The following DLG2 variants were observed in gnomAD, a reference collection of about 807,000 sequenced individuals.
DLG2 encodes discs large MAGUK scaffold protein 2.
Under a neutral mutation model 132.5 loss-of-function variants are expected in DLG2, and 45 were observed. The observed-to-expected ratio is 0.34, with a 90% CI of 0.27 to 0.44. The LOEUF is 0.44. DLG2 is among the 20% of genes least tolerant of loss of function. DLG2 has a pLI of 1.00. For missense variants in DLG2, 1,045 were observed against 1,196.9 expected (o/e 0.87, Z 1.87); for synonymous variants, 424 against 419.6 (o/e 1.01, Z -0.13).
intron 4 of DLG2, among the ~76,000 whole-genome samples, chr11:85,282,033 A>G (rs573401467): frequency 6.6e-6 from 1 of 151,986 alleles, no homozygotes; most frequent in Non-Finnish European, 1.5e-5. Flanking sequence ...GACTAAAAAA[A>G]AAATAAATAA....
At chr11:84,262,135 G>C (rs996745931) in intron 7 of DLG2, among the ~76,000 whole-genome samples, 1 of 152,144 alleles carries the variant, frequency 6.6e-6, no homozygotes, top group East Asian at 1.9e-4. Context: ...GATAAGGAAA[G>C]TGAGGCATGG....
chr11:85,177,275 A>ATATATATAATATATATAT (rs2079341788), intron 4 of DLG2, among the ~76,000 whole-genome samples: 1 of 138,376 alleles, frequency 7.2e-6, no homozygotes, highest in African/African-American at 2.9e-5. Flanking sequence ...ATATATATAT[A>ATATATATAATATATATAT]TATATACATA....
chr11:84,721,295 T>C (rs2061810471), intron 6 of DLG2, among the ~76,000 whole-genome samples: 1 of 152,186 alleles, frequency 6.6e-6, no homozygotes, highest in African/African-American at 2.4e-5. Context: ...GGTTGACTTC[T>C]GGTTCAGCGA....
chr11:85,464,671 A>G (rs1035387732), intron 3 of DLG2, among the ~76,000 whole-genome samples: 5 of 152,052 alleles, frequency 3.3e-5, no homozygotes, highest in Non-Finnish European at 5.9e-5. Flanking sequence ...GATTATAGAA[A>G]CTATTCCCAT....
intron 4 of DLG2, among the ~76,000 whole-genome samples, chr11:85,231,585 T>G (rs926336530): frequency 3.3e-5 from 5 of 151,952 alleles, no homozygotes; most frequent in African/African-American, 1.2e-4. Flanking sequence ...TTCTCCTATC[T>G]AGTGATTTCT....
chr11:83,932,666 C>T (rs2080548392), intron 14 of DLG2, among the ~76,000 whole-genome samples: 1 of 151,514 alleles, frequency 6.6e-6, no homozygotes, highest in South Asian at 2.1e-4. Flanking sequence ...AGAAATGGCA[C>T]ATAGTAGGTA....
chr11:83,684,533 C>T (rs2079395915), intron 18 of DLG2: 1 of 152,162 alleles, frequency 6.6e-6, no homozygotes, highest in East Asian at 1.9e-4. Context: ...ATAGTAGGTA[C>T]TATAGGAGCA....
At chr11:83,944,690 G>C (rs2083400596) in intron 14 of DLG2, among the ~76,000 whole-genome samples, 2 of 152,130 alleles carry the variant, frequency 1.3e-5, no homozygotes, top group South Asian at 4.1e-4. Context: ...AGAAGTTTTA[G>C]GACAATACAT....
At chr11:83,915,028 A>G (rs1041997974) in intron 15 of DLG2, among the ~76,000 whole-genome samples, 1 of 152,168 alleles carries the variant, frequency 6.6e-6, no homozygotes, top group African/African-American at 2.4e-5. Flanking sequence ...CTAATGAGAC[A>G]GAGAAGAAAA....
Position 85,205,146 on chromosome 11 carries a change from G to A in DLG2, c.187-50495C>T, listed in dbSNP as rs753015684. Among the ~76,000 whole-genome samples the A allele has an allele frequency of 2.3e-3, 329 of 141,678 alleles. 4 individuals carry two copies. Among genetic ancestry groups the A allele is most frequent in the Middle Eastern group, 3.6e-3 (1 of 278 alleles). 92.9% of individuals were successfully genotyped at this position (141,678 alleles called of 152,430 possible). A position where few individuals can be genotyped will look rare whatever the true frequency, so the allele number is the denominator to read the frequency against. ...ATATATAATTCATATATATGTGTGTGTATATATATATATATATAGATATAT... is the reference window on the plus strand; with the variant it reads ...ATATATAATTCATATATATGTGTGTATATATATATATATATATAGATATAT... On this transcript the variant is annotated intron_variant, in intron 4 of 27. Coordinates refer to ENST00000376104, the MANE Select transcript of DLG2 (RefSeq NM_001142699.3).
At chr11:84,671,301 C>G (rs999591098) in intron 6 of DLG2, among the ~76,000 whole-genome samples, 2 of 151,956 alleles carry the variant, frequency 1.3e-5, no homozygotes, top group Admixed American at 1.3e-4. Flanking sequence ...CAGGGTCTCA[C>G]TGTGTTGCCT....
chr11:85,419,587 C>T (rs2152992856), intron 3 of DLG2, among the ~76,000 whole-genome samples: 2 of 152,294 alleles, frequency 1.3e-5, no homozygotes, highest in East Asian at 3.9e-4. Flanking sequence ...TAGGTTTGGT[C>T]TTTTCACATA....
intron 14 of DLG2, among the ~76,000 whole-genome samples, chr11:83,941,775 C>G (rs1234109852): frequency 6.6e-6 from 1 of 152,078 alleles, no homozygotes; most frequent in Non-Finnish European, 1.5e-5. Context: ...ATATCTATCC[C>G]CATATACACA....
At chr11:83,587,314 A>G (rs2097102598) in intron 19 of DLG2, among the ~76,000 whole-genome samples, 1 of 151,796 alleles carries the variant, frequency 6.6e-6, no homozygotes, top group Non-Finnish European at 1.5e-5. Context: ...TCTGTCACAC[A>G]GGCTAGAGTA....
intron 8 of DLG2, among the ~76,000 whole-genome samples, chr11:84,239,534 A>T (rs975077938): frequency 6.6e-6 from 1 of 152,178 alleles, no homozygotes; most frequent in Non-Finnish European, 1.5e-5. Context: ...ATCAAGTACT[A>T]AGAATTATTA....
At chr11:83,709,024 A>T (rs2084724991) in intron 18 of DLG2, among the ~76,000 whole-genome samples, 2 of 152,128 alleles carry the variant, frequency 1.3e-5, no homozygotes, top group South Asian at 2.1e-4. Flanking sequence ...TAGGGGAACA[A>T]GCAGAGTCCA....
chr11:84,519,932 G>C (rs1336530375), intron 7 of DLG2, among the ~76,000 whole-genome samples: 1 of 152,126 alleles, frequency 6.6e-6, no homozygotes, highest in Non-Finnish European at 1.5e-5. Flanking sequence ...TGTGGGTATA[G>C]TTTTTATCTA....
chr11:85,362,494 G>A (rs764587071), intron 3 of DLG2, among the ~76,000 whole-genome samples: 3 of 151,802 alleles, frequency 2.0e-5, no homozygotes, highest in South Asian at 2.1e-4. Flanking sequence ...TTCATTTATC[G>A]AATCTCAGAG....
At chr11:84,491,110 T>C (rs1413825060) in intron 7 of DLG2, among the ~76,000 whole-genome samples, 1 of 152,018 alleles carries the variant, frequency 6.6e-6, no homozygotes, top group Non-Finnish European at 1.5e-5. Flanking sequence ...AGAGGTAGAA[T>C]GTCAGAGCAC....
Sources: allele counts gnomAD v4.1 joint callset (sites outside exome capture counted in the v4.1 genomes callset), GRCh38; gene constraint gnomAD v4.1.1; transcripts MANE v1.5; gene names NCBI Gene and HGNC (gene_info 2026-07-23, HGNC 2026-07-21).